EYS: variants seen among roughly 807,000 people sequenced by gnomAD.
EYS encodes the protein EGF-like photoreceptor maintenance factor.
EYS carries 250 observed loss-of-function variants against 282.1 expected under a neutral mutation model. The observed-to-expected ratio is 0.89, with a 90% CI of 0.80 to 0.98. The LOEUF (loss-of-function observed/expected upper bound fraction) is 0.98. Ranked by LOEUF, EYS falls within the 50% of genes least tolerant of loss-of-function variation. EYS has a pLI of 0.00. For missense variants in EYS, 4,016 were observed against 3,709.0 expected (o/e 1.08, Z -2.15); for synonymous variants, 1,355 against 1,282.9 (o/e 1.06, Z -1.20).
At position 64,268,040 on chromosome 6, in the gene EYS, A is replaced by G. The variant is rs140987546; in HGVS notation, c.6192-37216T>C. On this transcript the variant is annotated intron_variant, in intron 30 of 42. Coordinates refer to ENST00000503581, the MANE Select transcript of EYS (RefSeq NM_001142800.2). ...AAGTTTATCCTGCAGATACACTTGC[A>G]TATATATTCAAATATATAGTGGGTG... 3.9e-3 allele frequency among the ~76,000 whole-genome samples: 588 copies of G among 152,218 alleles called. 5 individuals are homozygous for G. The highest frequency in any genetic ancestry group is 0.013 in the African/African-American group (551 of 41,554).
rs891669766 is a variant in EYS, at chr6:64,230,819, T to C, written c.6197A>G (p.Gln2066Arg). 8 of 1,532,850 alleles carry C rather than the reference T, an allele frequency of 5.2e-6. No individual in the cohort carries two copies. The East Asian group carries it at 2.0e-4, about 38-fold the overall frequency. 95.0% of individuals were successfully genotyped at this position (1,532,850 alleles called of 1,614,324 possible). The change falls in exon 31 of 43, where the codon CAG becomes CGG. Residue 2066 changes from glutamine (Q) to arginine (R), a missense_variant. Gln to Arg is a conservative substitution (Grantham distance 43, BLOSUM62 1). Coordinates refer to ENST00000503581, the MANE Select transcript of EYS (RefSeq NM_001142800.2). ...KNYHINNCRS[Q>R]GFMLSPTASF... ...GGCTGTTGGAGACAGCATAAATCCC[T>C]GGGATCTGTGATTTATAAACAGACA... is the stretch of plus-strand genomic sequence containing the variant.
chr6:64,044,505 T>C (rs1393320970), intron 33 of EYS, among the ~76,000 whole-genome samples: 1 of 152,214 alleles, frequency 6.6e-6, no homozygotes, highest in East Asian at 1.9e-4. Context: ...AGCACTCATG[T>C]AAGGTGAGTG....
intron 26 of EYS, among the ~76,000 whole-genome samples, chr6:64,477,570 A>C (rs998290494): frequency 2.0e-5 from 3 of 152,014 alleles, no homozygotes; most frequent in African/African-American, 7.2e-5. Flanking sequence ...TCACCTCCTG[A>C]CCCACGGCCA....
chr6:63,899,647 G>A (rs545627824), intron 35 of EYS, among the ~76,000 whole-genome samples: 1 of 152,280 alleles, frequency 6.6e-6, no homozygotes, highest in Non-Finnish European at 1.5e-5. Flanking sequence ...CATTCAGGCT[G>A]CCTCTTCTGG....
chr6:63,941,758 T>C (rs918483343), intron 35 of EYS, among the ~76,000 whole-genome samples: 2 of 152,072 alleles, frequency 1.3e-5, no homozygotes, highest in African/African-American at 2.4e-5. Flanking sequence ...TCCCCTTACC[T>C]ATACAGCTGC....
chr6:65,257,026 A>T (rs1454184241), intron 12 of EYS, among the ~76,000 whole-genome samples: 1 of 44,052 alleles, frequency 2.3e-5, no homozygotes, highest in Non-Finnish European at 4.1e-5. Flanking sequence ...GCCAGTGATG[A>T]TGAGCATTTT....
intron 10 of EYS, among the ~76,000 whole-genome samples, chr6:65,336,990 A>G (rs1398958730): frequency 1.3e-5 from 2 of 151,468 alleles, no homozygotes; most frequent in African/African-American, 4.8e-5. Context: ...ATTTCTCTGC[A>G]TATTTTCACA....
chr6:63,742,326 G>C (rs551910007), intron 41 of EYS, among the ~76,000 whole-genome samples: 2 of 152,224 alleles, frequency 1.3e-5, no homozygotes, highest in Admixed American at 6.5e-5. Context: ...GAAAGCTACA[G>C]CCAGCCTCTT....
chr6:64,147,705 C>T (rs1472082440), intron 31 of EYS, among the ~76,000 whole-genome samples: 1 of 152,150 alleles, frequency 6.6e-6, no homozygotes, highest in African/African-American at 2.4e-5. Flanking sequence ...ATGTGGGCTG[C>T]AATGATGAAT....
At chr6:65,216,171 A>T (rs1241955297) in intron 12 of EYS, among the ~76,000 whole-genome samples, 3 of 152,072 alleles carry the variant, frequency 2.0e-5, no homozygotes, top group Non-Finnish European at 4.4e-5. Context: ...AAAAGCAAAT[A>T]TTATATAATT....
intron 26 of EYS, among the ~76,000 whole-genome samples, chr6:64,578,033 G>T (rs1765938696): frequency 6.6e-6 from 1 of 152,048 alleles, no homozygotes; most frequent in Admixed American, 6.6e-5. Flanking sequence ...CTTTCATGCT[G>T]ACAGACTAGA....
intron 2 of EYS, among the ~76,000 whole-genome samples, chr6:65,594,670 A>T (rs983415683): frequency 6.6e-6 from 1 of 152,176 alleles, no homozygotes; most frequent in African/African-American, 2.4e-5. Flanking sequence ...TGGTTTAATT[A>T]GATTCCCTTT....
At chr6:64,346,964 A>G (rs1293702800) in intron 29 of EYS, among the ~76,000 whole-genome samples, 1 of 151,442 alleles carries the variant, frequency 6.6e-6, no homozygotes, top group East Asian at 2.0e-4. Context: ...GACTACTAAA[A>G]ATGCTTAAAA....
chr6:64,130,317 C>A (rs1457730447), intron 31 of EYS, among the ~76,000 whole-genome samples: 1 of 152,138 alleles, frequency 6.6e-6, no homozygotes, highest in Non-Finnish European at 1.5e-5. Context: ...AGGATGAGTT[C>A]ATGTCCTTTG....
intron 26 of EYS, among the ~76,000 whole-genome samples, chr6:64,589,221 A>T (rs772009233): frequency 6.6e-6 from 1 of 152,080 alleles, no homozygotes; most frequent in Non-Finnish European, 1.5e-5. Flanking sequence ...TTTTGTAGAC[A>T]AAATTATATC....
intron 13 of EYS, among the ~76,000 whole-genome samples, chr6:65,030,163 A>C (rs1772551756): frequency 6.6e-6 from 1 of 152,132 alleles, no homozygotes; most frequent in African/African-American, 2.4e-5. Context: ...TCAGACCTGG[A>C]CAAAGCAGGG....
chr6:65,183,979 A>AAGGGAAT (rs59327239), intron 12 of EYS, among the ~76,000 whole-genome samples: 4,511 of 152,064 alleles, frequency 0.03, 92 homozygotes, highest in African/African-American at 0.057. Flanking sequence ...TCTCAATGGA[A>AAGGGAAT]TCGGAATTCC....
Position 64,590,247 on chromosome 6 carries a change from C to A in EYS, c.5620G>T (p.Ala1874Ser), listed in dbSNP as rs534979868. ...CCAGAAATCATCAGCCGTTGAGGTGCCAGAATGGATTCCAGTGAAGACAAA... is the reference window on the plus strand; with the variant it reads ...CCAGAAATCATCAGCCGTTGAGGTGACAGAATGGATTCCAGTGAAGACAAA... ...LTLSSLESIL[A>S]PQRLMISDFS... is the part of the protein sequence containing the mutation. The change falls in exon 26 of 43, where the codon GCA becomes TCA. Residue 1874 changes from alanine (A) to serine (S), a missense_variant. Ala to Ser is a moderately conservative substitution (Grantham distance 99). Transcript: ENST00000503581. 1.2e-5 allele frequency: 18 copies of A among 1,547,968 alleles called. No individual in the cohort carries two copies. In the South Asian group the frequency reaches 2.0e-4, roughly 17 times the overall value.
intron 29 of EYS, among the ~76,000 whole-genome samples, chr6:64,325,330 T>C (rs1770373714): frequency 6.6e-6 from 1 of 152,174 alleles, no homozygotes; most frequent in Non-Finnish European, 1.5e-5. Flanking sequence ...CATTGCATCT[T>C]GGCTCACAGA....
Sources: allele counts gnomAD v4.1 joint callset (sites outside exome capture counted in the v4.1 genomes callset), GRCh38; gene constraint gnomAD v4.1.1; transcripts MANE v1.5; gene names NCBI Gene and HGNC (gene_info 2026-07-23, HGNC 2026-07-21).